Variants in APLF observed in about 807,000 individuals in gnomAD.
APLF encodes aprataxin and PNKP like factor.
In APLF, 61 loss-of-function variants were observed where a neutral mutation model predicts 55.6. The observed-to-expected ratio is 1.10, with a 90% CI of 0.89 to 1.36. The LOEUF is 1.36. Ranked by LOEUF, APLF falls within the 40% of genes most tolerant of loss-of-function variation. The pLI is 0.00. For synonymous variants in APLF, 207 were observed against 214.8 expected (o/e 0.96, Z 0.32); for missense variants, 611 against 602.5 (o/e 1.01, Z -0.15).
chr2:68,469,014 G>GTGTGTGTGTGT (rs1553366881), intron 1 of APLF, among the ~76,000 whole-genome samples: 40 of 147,510 alleles, frequency 2.7e-4, no homozygotes, highest in African/African-American at 9.2e-4. Flanking sequence ...GTGTGTGTGT[G>GTGTGTGTGTGT]TGTGTGTTGT....
At chr2:68,512,051 A>C (rs937883168) in intron 3 of APLF, among the ~76,000 whole-genome samples, 2 of 151,754 alleles carry the variant, frequency 1.3e-5, no homozygotes, top group Admixed American at 6.6e-5. Context: ...TTCACATTTA[A>C]TGAGGACAAT....
chr2:68,569,796 G>A lies in APLF; in HGVS notation c.1333+2409G>A, dbSNP rs1671403343. Among the ~76,000 whole-genome samples the A allele has an allele frequency of 2.6e-5, 4 of 152,214 alleles. No homozygotes were observed. In the South Asian group the frequency reaches 8.3e-4, roughly 32 times the overall value. ...AAGAGGATTTACCAACTAATCAGTT[G>A]GCTGTGATATGGGGATGAGGTAAAT... On this transcript the variant is annotated intron_variant, in intron 9 of 9. Coordinates refer to ENST00000303795, the MANE Select transcript of APLF (RefSeq NM_173545.3).
chr2:68,562,123 G>A (rs1389531006), intron 8 of APLF, among the ~76,000 whole-genome samples: 2 of 151,980 alleles, frequency 1.3e-5, no homozygotes, highest in Non-Finnish European at 2.9e-5. Context: ...ATTATGTTAA[G>A]TGAAATATGC....
At chr2:68,548,500 A>T (rs1337196849) in intron 8 of APLF, among the ~76,000 whole-genome samples, 1 of 151,970 alleles carries the variant, frequency 6.6e-6, no homozygotes, top group African/African-American at 2.4e-5. Context: ...AATCAGGGAC[A>T]TTAGACACAC....
At chr2:68,510,424 A>G (rs1389018537) in intron 3 of APLF, among the ~76,000 whole-genome samples, 1 of 151,910 alleles carries the variant, frequency 6.6e-6, no homozygotes, top group East Asian at 1.9e-4. Context: ...TAGAACATGA[A>G]AAAATGTTCA....
intron 2 of APLF, among the ~76,000 whole-genome samples, chr2:68,491,494 A>C (rs901840304): frequency 1.3e-5 from 2 of 152,358 alleles, no homozygotes; most frequent in Non-Finnish European, 1.5e-5. Context: ...AGATTTTTAC[A>C]AAAGTATGTT....
At chr2:68,469,101 T>G (rs1347638855) in intron 1 of APLF, among the ~76,000 whole-genome samples, 2 of 152,150 alleles carry the variant, frequency 1.3e-5, no homozygotes, top group African/African-American at 2.4e-5. Flanking sequence ...GCTGTTCATT[T>G]TTTTACTGGA....
At position 68,541,864 on chromosome 2, in the gene APLF, G is replaced by T. The variant is rs141823584; in HGVS notation, c.1161-3323G>T. On this transcript the variant is annotated intron_variant, in intron 7 of 9. Transcript: ENST00000303795. Reference sequence around the variant, plus strand: ...ATCTTGAAGATGATCAAAGTTGGAGGTCTCACACTTCCTGATTTTAAAATG... The same window carrying T: ...ATCTTGAAGATGATCAAAGTTGGAGTTCTCACACTTCCTGATTTTAAAATG... 4.5e-4 allele frequency among the ~76,000 whole-genome samples: 69 copies of T among 152,220 alleles called. No individual in the cohort carries two copies. In the East Asian group the frequency reaches 0.012, roughly 26 times the overall value.
In APLF at chr2:68,542,093, A is replaced by G. The variant is rs1466663264; in HGVS notation, c.1161-3094A>G. ...CTCAGAAAACTGCATATTCACATGC[A>G]AAAGAGTGAAGTTGGATGCTTGCCT... On this transcript the variant is annotated intron_variant, in intron 7 of 9. Transcript: ENST00000303795. Among the ~76,000 whole-genome samples the G allele has an allele frequency of 1.4e-4, 22 of 152,210 alleles. 1 individual carries two copies. Among genetic ancestry groups the G allele is most frequent in the Admixed American group, 1.4e-3 (22 of 15,278 alleles).
chr2:68,522,363 T>C (rs1224700207), intron 5 of APLF, among the ~76,000 whole-genome samples: 1 of 151,938 alleles, frequency 6.6e-6, no homozygotes, highest in Non-Finnish European at 1.5e-5. Flanking sequence ...TAATATACTA[T>C]GCTTGTGTTC....
At chr2:68,492,961 T>TA (rs1014269049) in intron 2 of APLF, among the ~76,000 whole-genome samples, 13 of 152,322 alleles carry the variant, frequency 8.5e-5, no homozygotes, top group Admixed American at 6.5e-4. Flanking sequence ...TTTTGACAAC[T>TA]TAGAATGTCA....
Position 68,529,485 on chromosome 2 carries a change from A to G in APLF, c.804+3243A>G. Reference sequence around the variant, plus strand: ...TCCATTTTGAGCGAGTTGTGCACAGACGAAACTAAGGGTCAGAAGCGGAGA... The same window carrying G: ...TCCATTTTGAGCGAGTTGTGCACAGGCGAAACTAAGGGTCAGAAGCGGAGA... On this transcript the variant is annotated intron_variant, in intron 6 of 9. Coordinates refer to ENST00000303795, the MANE Select transcript of APLF (RefSeq NM_173545.3). This position sits in a 1 kb window ranked among gnomAD's most constrained non-coding sequence, Gnocchi z 4.4. 2 of 1,072,490 alleles carry G rather than the reference A, an allele frequency of 1.9e-6. No individual in the cohort carries two copies. Among genetic ancestry groups the G allele is most frequent in the Non-Finnish European group, 2.3e-6 (2 of 883,312 alleles). 66.4% of individuals were successfully genotyped at this position (1,072,490 alleles called of 1,614,324 possible). A position where few individuals can be genotyped will look rare whatever the true frequency, so the allele number is the denominator to read the frequency against.
intron 5 of APLF, among the ~76,000 whole-genome samples, chr2:68,517,143 ATAT>A (rs1476138664): frequency 2.4e-5 from 3 of 125,242 alleles, no homozygotes; most frequent in Non-Finnish European, 4.7e-5. Context: ...ACATATTAAT[ATAT>A]GTTATTGATA....
At chr2:68,540,750 C>G (rs1176930198) in intron 7 of APLF, among the ~76,000 whole-genome samples, 2 of 151,380 alleles carry the variant, frequency 1.3e-5, no homozygotes, top group African/African-American at 2.4e-5. Flanking sequence ...TATCAGAATC[C>G]CAATAGGGTG....
intron 5 of APLF, among the ~76,000 whole-genome samples, chr2:68,519,211 T>A (rs1669815341): frequency 7.1e-6 from 1 of 140,134 alleles, no homozygotes; most frequent in African/African-American, 2.6e-5. Context: ...AAATATATAT[T>A]ATCTATATTT....
intron 7 of APLF, among the ~76,000 whole-genome samples, chr2:68,543,194 AGTT>A (rs1321546478): frequency 2.0e-5 from 3 of 152,280 alleles, no homozygotes; most frequent in Admixed American, 6.5e-5. Context: ...GGAGCTGGGA[AGTT>A]GTTGTTTAAT....
At chr2:68,527,362 T>G (rs1305972472) in intron 6 of APLF, among the ~76,000 whole-genome samples, 1 of 150,198 alleles carries the variant, frequency 6.7e-6, no homozygotes, top group Non-Finnish European at 1.5e-5. Context: ...CACTCCTCAC[T>G]TCGCAGACAG....
intron 6 of APLF, chr2:68,531,253 C>T (rs1286504167): frequency 1.3e-5 from 2 of 152,196 alleles, no homozygotes; most frequent in African/African-American, 2.4e-5. Flanking sequence ...ACAGAAAGTT[C>T]AGGCATGCTT....
At chr2:68,507,070 C>T (rs1044864992) in intron 3 of APLF, among the ~76,000 whole-genome samples, 1 of 151,688 alleles carries the variant, frequency 6.6e-6, no homozygotes, top group Non-Finnish European at 1.5e-5. Context: ...ATGGAGAGGG[C>T]TTGAATTGTA....
Sources: allele counts gnomAD v4.1 joint callset (sites outside exome capture counted in the v4.1 genomes callset), GRCh38; gene constraint gnomAD v4.1.1; non-coding constraint Gnocchi (gnomAD v3.1); transcripts MANE v1.5; gene names NCBI Gene and HGNC (gene_info 2026-07-23, HGNC 2026-07-21).